The following MAPKAP1 variants were observed in gnomAD, a reference collection of about 807,000 sequenced individuals.
The protein encoded by MAPKAP1 is target of rapamycin complex 2 subunit MAPKAP1.
In MAPKAP1, 20 loss-of-function variants were observed where a neutral mutation model predicts 65.7. That is an observed-to-expected ratio of 0.30 (90% CI 0.21 to 0.44). The LOEUF is 0.44. Ranked by LOEUF, MAPKAP1 falls within the 20% of genes least tolerant of loss-of-function variation. The pLI is 1.00. For synonymous variants in MAPKAP1, 222 were observed against 244.3 expected (o/e 0.91, Z 0.85); for missense variants, 423 against 648.0 (o/e 0.65, Z 3.77).
At chr9:125,558,801 A>C (rs929829809) in intron 6 of MAPKAP1, among the ~76,000 whole-genome samples, 1 of 152,210 alleles carries the variant, frequency 6.6e-6, no homozygotes, top group Non-Finnish European at 1.5e-5. Flanking sequence ...AATGGATAAA[A>C]ACTACATTTT....
chr9:125,547,092 A>G (rs1052066326), intron 6 of MAPKAP1, among the ~76,000 whole-genome samples: 1 of 152,140 alleles, frequency 6.6e-6, no homozygotes, highest in Non-Finnish European at 1.5e-5. Flanking sequence ...TGAACGATGT[A>G]TGGGCATTTT....
At chr9:125,468,201 G>T in intron 9 of MAPKAP1, 92 bp from the exon 10 acceptor site, 1 of 1,361,410 alleles carries the variant, frequency 7.3e-7, no homozygotes, top group Non-Finnish European at 1.0e-6. Flanking sequence ...TTATAAATCT[G>T]AAATTGCATG....
rs1832112254 is a variant in MAPKAP1, at chr9:125,595,929, G to C, written c.499-10202C>G. 2.3e-6 allele frequency: 3 copies of C among 1,313,364 alleles called. No individual in the cohort carries two copies. The East Asian group carries it at 6.9e-5, about 30-fold the overall frequency. 81.4% of individuals were successfully genotyped at this position (1,313,364 alleles called of 1,614,324 possible). ...GATCGGAGTTGTGGAACCAAAGAGA[G>C]CTGTCTCAAGAGAAGATTCTCAAAG... On this transcript the variant is annotated intron_variant, in intron 4 of 11. Transcript: ENST00000265960. This position sits in a 1 kb window ranked among gnomAD's most constrained non-coding sequence, Gnocchi z 4.0.
At chr9:125,487,511 G>A (rs1854534085) in intron 8 of MAPKAP1, among the ~76,000 whole-genome samples, 1 of 151,222 alleles carries the variant, frequency 6.6e-6, no homozygotes, top group Admixed American at 6.6e-5. Context: ...ATTTAGCTCT[G>A]AGCTCAAGAA....
chr9:125,663,156 T>C (rs1420985064), intron 3 of MAPKAP1, among the ~76,000 whole-genome samples: 2 of 152,158 alleles, frequency 1.3e-5, no homozygotes, highest in Admixed American at 6.5e-5. Flanking sequence ...AAAAATACAA[T>C]TCCTTACCAG....
intron 10 of MAPKAP1, among the ~76,000 whole-genome samples, chr9:125,463,790 T>A (rs1269919656): frequency 2.0e-5 from 3 of 152,212 alleles, no homozygotes; most frequent in Admixed American, 2.0e-4. Flanking sequence ...TTTTATATGA[T>A]CTATGCTTAA....
At chr9:125,691,018 G>C (rs566564500) in intron 1 of MAPKAP1, among the ~76,000 whole-genome samples, 1 of 152,140 alleles carries the variant, frequency 6.6e-6, no homozygotes, top group Non-Finnish European at 1.5e-5. Context: ...TCCCAGCACT[G>C]TGGGAGGCCG....
chr9:125,559,667 C>A lies in MAPKAP1; in HGVS notation c.814G>T (p.Gly272Cys), dbSNP rs1220951657. ...LALVEKYSSP[G>C]LTSKESLFVR... is the part of the protein sequence containing the mutation. ...AAGAGTGACTCTTTGGATGTCAGAC[C>A]AGGAGATGAGTACTTTTCAACCAGG... The change falls in exon 6 of 12, where the codon GGT (glycine) becomes TGT (cysteine). Residue 272 changes from glycine (G) to cysteine (C), a missense_variant. Coordinates refer to ENST00000265960, the MANE Select transcript of MAPKAP1 (RefSeq NM_001006617.3). 1.2e-6 allele frequency: 2 copies of A among 1,613,462 alleles called. No homozygotes were observed. Among genetic ancestry groups the A allele is most frequent in the Non-Finnish European group, 1.7e-6 (2 of 1,179,764 alleles).
At chr9:125,566,861 C>T (rs1020965834) in intron 5 of MAPKAP1, among the ~76,000 whole-genome samples, 2 of 152,160 alleles carry the variant, frequency 1.3e-5, no homozygotes, top group East Asian at 1.9e-4. Flanking sequence ...CTCTAAACTC[C>T]AGACAAGAAA....
intron 6 of MAPKAP1, among the ~76,000 whole-genome samples, chr9:125,544,007 T>A (rs1369710960): frequency 6.6e-6 from 1 of 150,568 alleles, no homozygotes; most frequent in Non-Finnish European, 1.5e-5. Context: ...AGTAAATATA[T>A]TTCTTTATTC....
chr9:125,454,536 G>A (rs1401257963), intron 10 of MAPKAP1, among the ~76,000 whole-genome samples: 1 of 152,158 alleles, frequency 6.6e-6, no homozygotes, highest in African/African-American at 2.4e-5. Context: ...ATAAGGAAAA[G>A]AAAATACTGT....
intron 1 of MAPKAP1, 124 bp from the exon 2 acceptor site, chr9:125,672,767 G>A (rs1422465184): frequency 3.1e-6 from 2 of 642,852 alleles, no homozygotes; most frequent in Non-Finnish European, 5.3e-6. Flanking sequence ...CTGTTCTGTG[G>A]AGCTTAAAAG....
At chr9:125,639,981 G>A (rs1342295910) in intron 4 of MAPKAP1, among the ~76,000 whole-genome samples, 2 of 152,130 alleles carry the variant, frequency 1.3e-5, no homozygotes, top group African/African-American at 4.8e-5. Context: ...AAAGATTCCA[G>A]CCAGGTTCTC....
At chr9:125,610,334 A>G (rs1236932713) in intron 4 of MAPKAP1, among the ~76,000 whole-genome samples, 1 of 152,246 alleles carries the variant, frequency 6.6e-6, no homozygotes. Context: ...AAACATATTT[A>G]TGAAATATAA....
intron 1 of MAPKAP1, among the ~76,000 whole-genome samples, chr9:125,688,121 C>G (rs1835039248): frequency 6.6e-6 from 1 of 152,030 alleles, no homozygotes; most frequent in African/African-American, 2.4e-5. Flanking sequence ...TTCTCAGAAC[C>G]TTCTAGACTA....
At chr9:125,601,798 T>C (rs1564577550) in intron 4 of MAPKAP1, among the ~76,000 whole-genome samples, 1 of 152,216 alleles carries the variant, frequency 6.6e-6, no homozygotes, top group East Asian at 1.9e-4. Context: ...ATAACTGGGA[T>C]AGTTGTTACT....
chr9:125,641,842 A>G (rs774449426), intron 4 of MAPKAP1, among the ~76,000 whole-genome samples: 4 of 151,976 alleles, frequency 2.6e-5, no homozygotes, highest in Admixed American at 2.0e-4. Flanking sequence ...GACCAGCCTC[A>G]CCAACATGGT....
At chr9:125,450,828 TGCTGGACTGGGGTTCTTTGGTCTCTGG>T (rs542538235) in intron 10 of MAPKAP1, among the ~76,000 whole-genome samples, 51 of 152,346 alleles carry the variant, frequency 3.3e-4, no homozygotes, top group Non-Finnish European at 5.9e-4. Context: ...TAGTAGGAAA[TGCTGGACTGGGGTTCTTTGGTCTCTGG>T]GCTGAAAACT....
chr9:125,543,020 A>C, intron 7 of MAPKAP1, 39 bp downstream of exon 7: 1 of 1,347,826 alleles, frequency 7.4e-7, no homozygotes, highest in Non-Finnish European at 1.1e-6. Context: ...ATAAGGGTTA[A>C]GCTTCTACTA....
Sources: gnomAD v4.1 joint callset for allele counts (sites outside exome capture counted in the v4.1 genomes callset) on GRCh38, gnomAD v4.1.1 for gene constraint, Gnocchi (gnomAD v3.1) non-coding constraint, MANE v1.5 for transcripts, NCBI Gene and HGNC (gene_info 2026-07-23, HGNC 2026-07-21) for gene names.